The following VAC14 variants were observed in gnomAD, a reference collection of about 807,000 sequenced individuals.
VAC14 encodes the protein VAC14 component of PIKFYVE complex.
Under a neutral mutation model 85.3 loss-of-function variants are expected in VAC14, and 47 were observed. The observed-to-expected ratio is 0.55, with a 90% CI of 0.44 to 0.70. The LOEUF is 0.70. Ranked by LOEUF, VAC14 falls within the 30% of genes least tolerant of loss-of-function variation. The probability of loss-of-function intolerance (pLI) is 0.00; values close to 1 mark genes in which losing one functional copy is unlikely to be tolerated. For synonymous variants in VAC14, 447 were observed against 430.5 expected (o/e 1.04, Z -0.47); for missense variants, 861 against 1,004.3 (o/e 0.86, Z 1.93).
intron 17 of VAC14, among the ~76,000 whole-genome samples, chr16:70,694,937 AG>A (rs1567520211): frequency 6.6e-6 from 1 of 152,134 alleles, no homozygotes; most frequent in Non-Finnish European, 1.5e-5. Flanking sequence ...GCAGACCCGG[AG>A]GGGTGGCTGG....
intron 12 of VAC14, among the ~76,000 whole-genome samples, chr16:70,758,101 AC>A (rs2032017817): frequency 6.6e-6 from 1 of 151,760 alleles, no homozygotes; most frequent in African/African-American, 2.4e-5. Context: ...AATAAAACCT[AC>A]AAAAAAAGAC....
chr16:70,793,487 T>C (rs2034423198), intron 1 of VAC14, among the ~76,000 whole-genome samples: 1 of 152,256 alleles, frequency 6.6e-6, no homozygotes, highest in African/African-American at 2.4e-5. Context: ...TAGGCTTTTC[T>C]AACCCCAAGA....
At chr16:70,693,684 C>T (rs2053646151) in intron 17 of VAC14, among the ~76,000 whole-genome samples, 1 of 152,202 alleles carries the variant, frequency 6.6e-6, no homozygotes, top group African/African-American at 2.4e-5. Context: ...TCCCAGCTTC[C>T]CCAAGGCGCA....
Position 70,762,591 on chromosome 16 carries a change from C to A in VAC14, c.1320G>T (p.Thr440=), listed in dbSNP as rs78503253. Residue 440 remains threonine, a synonymous_variant, in exon 12 of 19, where the codon ACG becomes ACT. Transcript: ENST00000261776. This position sits in a 1 kb window ranked among gnomAD's most constrained non-coding sequence, Gnocchi z 4.1. The stretch of plus-strand genomic sequence containing the variant: ...GCAGTAGGATGGGAAAGAGGCTGTC[C>A]GTGTGCCGGAACATCTGGAGGGCAG... ...IKTPRKMFRH[T]DSLFPILLQT... 1.2e-6 allele frequency: 2 copies of A among 1,614,034 alleles called. No homozygotes were observed. Among genetic ancestry groups the A allele is most frequent in the Middle Eastern group, 3.3e-4 (2 of 6,058 alleles).
chr16:70,749,246 C>G (rs2031178486), intron 12 of VAC14, among the ~76,000 whole-genome samples: 2 of 152,254 alleles, frequency 1.3e-5, no homozygotes, highest in South Asian at 2.1e-4. Flanking sequence ...GGGCTTCCAA[C>G]CCCGCTTTCT....
intron 1 of VAC14, among the ~76,000 whole-genome samples, chr16:70,792,136 C>A (rs2034368096): frequency 6.6e-6 from 1 of 152,112 alleles, no homozygotes; most frequent in Non-Finnish European, 1.5e-5. Context: ...CAGAACTGCC[C>A]TAGTCAGCCA....
intron 10 of VAC14, chr16:70,766,544 CCT>C (rs1567584907): frequency 4.4e-6 from 2 of 456,776 alleles, no homozygotes; most frequent in South Asian, 3.1e-5. Context: ...CTAAAAGGAA[CCT>C]CATGGTTCAG....
intron 14 of VAC14, among the ~76,000 whole-genome samples, chr16:70,710,084 C>T (rs2053998304): frequency 6.6e-6 from 1 of 152,274 alleles, no homozygotes; most frequent in Non-Finnish European, 1.5e-5. Flanking sequence ...CTGGCCCTGC[C>T]TGCCCTTGCA....
intron 14 of VAC14, among the ~76,000 whole-genome samples, chr16:70,720,683 C>G (rs912488261): frequency 4.6e-5 from 7 of 152,130 alleles, no homozygotes; most frequent in Non-Finnish European, 7.3e-5. Flanking sequence ...TTACTGATGA[C>G]GAGGTGGATG....
intron 9 of VAC14, among the ~76,000 whole-genome samples, chr16:70,779,998 A>G (rs956957797): frequency 3.5e-4 from 53 of 150,344 alleles, no homozygotes; most frequent in African/African-American, 1.2e-3. Context: ...GTGCACCACC[A>G]TATCTGGCTA....
intron 14 of VAC14, among the ~76,000 whole-genome samples, chr16:70,729,781 T>C (rs967928008): frequency 3.9e-5 from 6 of 151,982 alleles, no homozygotes; most frequent in Non-Finnish European, 8.8e-5. Flanking sequence ...TGCAGAACCA[T>C]CTAGAATGGT....
chr16:70,697,266 G>T lies in VAC14; in HGVS notation c.1837-9C>A. 6.2e-7 allele frequency: 1 copy of T among 1,609,920 alleles called. No homozygotes were observed. Among genetic ancestry groups the T allele is most frequent in the Non-Finnish European group, 8.5e-7 (1 of 1,176,656 alleles). ...AACAGGTTCTGGCTCTCCTGTGGGG[G>T]AACAGGCATGAGCCGTGAGGACACG... On this transcript the variant is annotated splice_polypyrimidine_tract_variant and intron_variant, in intron 15 of 18. Coordinates refer to ENST00000261776, the MANE Select transcript of VAC14 (RefSeq NM_018052.5).
At chr16:70,720,118 G>T (rs1044314175) in intron 14 of VAC14, among the ~76,000 whole-genome samples, 2 of 152,200 alleles carry the variant, frequency 1.3e-5, no homozygotes, top group African/African-American at 4.8e-5. Context: ...CCATTTATAT[G>T]AAGCTCAAAA....
At chr16:70,734,606 A>C (rs999469644) in intron 13 of VAC14, among the ~76,000 whole-genome samples, 2 of 152,170 alleles carry the variant, frequency 1.3e-5, no homozygotes, top group Non-Finnish European at 2.9e-5. Context: ...ATTTTGAGTT[A>C]CTTTTTATAT....
chr16:70,712,319 C>A (rs966680128), intron 14 of VAC14, among the ~76,000 whole-genome samples: 1 of 152,152 alleles, frequency 6.6e-6, no homozygotes, highest in Non-Finnish European at 1.5e-5. Flanking sequence ...GCAGAACTTG[C>A]GCTGGTGGGC....
intron 18 of VAC14, 55 bp from the exon 19 acceptor site, chr16:70,688,145 A>C: frequency 7.0e-7 from 1 of 1,435,540 alleles, no homozygotes; most frequent in Admixed American, 2.3e-5. Flanking sequence ...CAGGGGGGTT[A>C]CTGCTGGAGG....
Position 70,688,017 on chromosome 16 carries a change from G to C in VAC14, c.2260C>G (p.His754Asp). 6.2e-7 allele frequency: 1 copy of C among 1,606,828 alleles called. No individual in the cohort carries two copies. Among genetic ancestry groups the C allele is most frequent in the South Asian group, 1.1e-5 (1 of 89,946 alleles). The change falls in exon 19 of 19, where the codon CAC becomes GAC. Residue 754 changes from histidine (H) to aspartate (D), a missense_variant. Physicochemically the swap from His to Asp is moderately conservative, Grantham distance 81. Coordinates refer to ENST00000261776, the MANE Select transcript of VAC14 (RefSeq NM_018052.5). ...TGCTTGTTCTGGACCTTCTCAAAGT[G>C]CTGCAGCAGCTCTGCGTAGTCGATG... The part of the protein sequence containing the change: ...PSIDYAELLQ[H>D]FEKVQNKHLE...
chr16:70,744,687 T>A lies in VAC14; in HGVS notation c.1372-108A>T, dbSNP rs1050320962. The A allele has an allele frequency of 4.4e-6, 6 of 1,365,582 alleles. No individual in the cohort carries two copies. In the African/African-American group the frequency reaches 8.9e-5, roughly 20 times the overall value. The allele number at this position is 1,365,582 out of a possible 1,614,324, so 84.6% of individuals were successfully genotyped here. Reference sequence around the variant, plus strand: ...CAGCCACCTGCAGGGGTGGGAGGGGTCTGCAGATGACAGCAGGCTGGGAAG... The same window carrying A: ...CAGCCACCTGCAGGGGTGGGAGGGGACTGCAGATGACAGCAGGCTGGGAAG... On this transcript the variant is annotated intron_variant, in intron 12 of 18. Coordinates refer to ENST00000261776, the MANE Select transcript of VAC14 (RefSeq NM_018052.5).
intron 12 of VAC14, among the ~76,000 whole-genome samples, chr16:70,760,961 GGGT>G (rs2032283615): frequency 8.3e-6 from 1 of 120,606 alleles, no homozygotes; most frequent in Non-Finnish European, 1.7e-5. Flanking sequence ...CACGAAGAGA[GGGT>G]GTGTGTGTGT....
Sources: gnomAD v4.1 joint callset for allele counts (sites outside exome capture counted in the v4.1 genomes callset) on GRCh38, gnomAD v4.1.1 for gene constraint, Gnocchi (gnomAD v3.1) non-coding constraint, MANE v1.5 for transcripts, NCBI Gene and HGNC (gene_info 2026-07-23, HGNC 2026-07-21) for gene names.